Variants in KCNIP1 observed in about 807,000 individuals in gnomAD.
KCNIP1 encodes the protein potassium voltage-gated channel interacting protein 1.
In KCNIP1, 18 loss-of-function variants were observed where a neutral mutation model predicts 33.0. That is an observed-to-expected ratio of 0.55 (90% CI 0.38 to 0.81). The LOEUF (loss-of-function observed/expected upper bound fraction) is 0.81, where lower values mean the gene tolerates loss of function less well. Ranked by LOEUF, KCNIP1 falls within the 30% of genes least tolerant of loss-of-function variation. KCNIP1 has a pLI of 0.00. For synonymous variants in KCNIP1, 93 were observed against 98.3 expected, an observed-to-expected ratio of 0.95 and a Z score of 0.32; for missense variants, 238 against 271.6, an observed-to-expected ratio of 0.88 and a Z score of 0.87.
intron 1 of KCNIP1, among the ~76,000 whole-genome samples, chr5:170,601,141 C>T (rs565387519): frequency 1.6e-4 from 24 of 152,318 alleles, no homozygotes; most frequent in Non-Finnish European, 3.4e-4. Flanking sequence ...TACAGAGCAG[C>T]GTTGTTGCAG....
intron 1 of KCNIP1, among the ~76,000 whole-genome samples, chr5:170,554,144 T>A (rs1261076154): frequency 6.6e-6 from 1 of 152,134 alleles, no homozygotes; most frequent in Non-Finnish European, 1.5e-5. Flanking sequence ...GTTTTTTTTT[T>A]TAATTTTTTA....
chr5:170,419,069 G>T (rs991514000), intron 1 of KCNIP1, among the ~76,000 whole-genome samples: 1 of 152,228 alleles, frequency 6.6e-6, no homozygotes, highest in Non-Finnish European at 1.5e-5. Flanking sequence ...CAAAGTCTAC[G>T]TGGTTAGTGA....
At chr5:170,725,219 G>C (rs527413889) in intron 5 of KCNIP1, among the ~76,000 whole-genome samples, 2 of 152,304 alleles carry the variant, frequency 1.3e-5, no homozygotes, top group South Asian at 4.1e-4. Context: ...AGAGATATCT[G>C]CACTCCCATG....
chr5:170,365,969 G>T (rs1043397740), intron 1 of KCNIP1, among the ~76,000 whole-genome samples: 1 of 152,230 alleles, frequency 6.6e-6, no homozygotes, highest in Non-Finnish European at 1.5e-5. Context: ...CTCCCTCATT[G>T]CATCCTAGGC....
At chr5:170,706,972 G>T (rs1369850812) in intron 1 of KCNIP1, among the ~76,000 whole-genome samples, 2 of 152,058 alleles carry the variant, frequency 1.3e-5, no homozygotes, top group African/African-American at 4.8e-5. Context: ...TCCATGTACT[G>T]GAACTTCAGG....
At chr5:170,401,152 G>A (rs1754892523) in intron 1 of KCNIP1, among the ~76,000 whole-genome samples, 1 of 152,168 alleles carries the variant, frequency 6.6e-6, no homozygotes, top group African/African-American at 2.4e-5. Flanking sequence ...CCAGGACCTT[G>A]TGCCTGAGAC....
chr5:170,423,523 G>T (rs550554742), intron 1 of KCNIP1, among the ~76,000 whole-genome samples: 1 of 152,240 alleles, frequency 6.6e-6, no homozygotes, highest in African/African-American at 2.4e-5. Flanking sequence ...ATTGTCTTTA[G>T]AGGATCTTCT....
At chr5:170,437,302 A>T (rs1312280768) in intron 1 of KCNIP1, among the ~76,000 whole-genome samples, 1 of 152,184 alleles carries the variant, frequency 6.6e-6, no homozygotes, top group Non-Finnish European at 1.5e-5. Flanking sequence ...GAAGGGCAGG[A>T]GAAGGTCAGA....
chr5:170,696,795 G>A (rs73321304), intron 1 of KCNIP1, among the ~76,000 whole-genome samples: 3,356 of 152,156 alleles, frequency 0.022, 135 homozygotes, highest in African/African-American at 0.076. Context: ...CTTTGTATAG[G>A]AGAGATAAAA....
chr5:170,411,966 G>T (rs960077030), intron 1 of KCNIP1, among the ~76,000 whole-genome samples: 1 of 152,166 alleles, frequency 6.6e-6, no homozygotes, highest in African/African-American at 2.4e-5. Context: ...TCCAGAAAGG[G>T]TGCACTTTGA....
At chr5:170,393,121 C>T (rs1310433047) in intron 1 of KCNIP1, among the ~76,000 whole-genome samples, 1 of 152,198 alleles carries the variant, frequency 6.6e-6, no homozygotes, top group East Asian at 1.9e-4. Context: ...GCACCTGTGC[C>T]CGCTGACTCC....
chr5:170,705,791 G>C (rs1236706241), intron 1 of KCNIP1, among the ~76,000 whole-genome samples: 1 of 152,160 alleles, frequency 6.6e-6, no homozygotes, highest in Admixed American at 6.5e-5. Flanking sequence ...CATCAGGAAA[G>C]GTACAATCAT....
chr5:170,720,220 C>T, intron 2 of KCNIP1, 101 bp from the exon 3 acceptor site: 4 of 804,312 alleles, frequency 5.0e-6, no homozygotes, highest in Non-Finnish European at 6.5e-6. Context: ...AGGTCCCTGT[C>T]CCTGGGGATC....
rs1043469347 is a variant in KCNIP1, at chr5:170,504,795, T to G, written c.61+162T>G. 6.6e-6 allele frequency among the ~76,000 whole-genome samples: 1 copy of G among 152,040 alleles called. No individual in the cohort carries two copies. The highest frequency in any genetic ancestry group is 1.5e-5 in the Non-Finnish European group (1 of 67,980). On this transcript the variant is annotated intron_variant, in intron 1 of 7. Coordinates refer to ENST00000328939, the MANE Select transcript of KCNIP1 (RefSeq NM_014592.4). The surrounding 1 kb of genome is among the most constrained non-coding windows in gnomAD (Gnocchi z 6.0). ...AGAGAGAAATCGGCGGGAGGGCTGGTGTGAACACCCAGAGGAGGGAGCCGG... is the reference window on the plus strand; with the variant it reads ...AGAGAGAAATCGGCGGGAGGGCTGGGGTGAACACCCAGAGGAGGGAGCCGG...
chr5:170,524,037 C>G (rs7730686), intron 1 of KCNIP1, among the ~76,000 whole-genome samples: 12,129 of 152,256 alleles, frequency 0.08, 675 homozygotes, highest in African/African-American at 0.16. Flanking sequence ...GGTCTGGGCT[C>G]CATGGTCTGC....
At chr5:170,588,048 G>A (rs1168622984) in intron 1 of KCNIP1, among the ~76,000 whole-genome samples, 2 of 152,228 alleles carry the variant, frequency 1.3e-5, no homozygotes, top group African/African-American at 4.8e-5. Context: ...CTGTTACTTT[G>A]CTCATCAATG....
intron 1 of KCNIP1, among the ~76,000 whole-genome samples, chr5:170,701,994 A>G (rs894950984): frequency 1.3e-5 from 2 of 152,094 alleles, no homozygotes; most frequent in Non-Finnish European, 2.9e-5. Flanking sequence ...CGCCTCCCGA[A>G]ATCACCACTA....
intron 1 of KCNIP1, among the ~76,000 whole-genome samples, chr5:170,547,806 A>G (rs1242110260): frequency 6.6e-6 from 1 of 152,172 alleles, no homozygotes; most frequent in Non-Finnish European, 1.5e-5. Context: ...TATCTCTGCT[A>G]TTGTGAATAG....
chr5:170,591,870 C>A (rs1758275260), intron 1 of KCNIP1, among the ~76,000 whole-genome samples: 1 of 152,110 alleles, frequency 6.6e-6, no homozygotes, highest in Non-Finnish European at 1.5e-5. Context: ...TTGCATCCAC[C>A]TTTTTTTGCT....
Sources: gnomAD v4.1 joint callset for allele counts (sites outside exome capture counted in the v4.1 genomes callset) on GRCh38, gnomAD v4.1.1 for gene constraint, Gnocchi (gnomAD v3.1) non-coding constraint, MANE v1.5 for transcripts, NCBI Gene and HGNC (gene_info 2026-07-23, HGNC 2026-07-21) for gene names.